The following RCAN2 variants were observed in gnomAD, a reference collection of about 807,000 sequenced individuals.
RCAN2 encodes the protein regulator of calcineurin 2, also known as calcipressin-2.
RCAN2 carries 9 observed loss-of-function variants against 23.6 expected under a neutral mutation model. The ratio of observed to expected loss-of-function variants is 0.38; its 90% CI spans 0.23 to 0.67. The LOEUF (loss-of-function observed/expected upper bound fraction) is 0.67. RCAN2 is among the 30% of genes least tolerant of loss of function. RCAN2 has a pLI of 0.51. For missense variants in RCAN2, 273 were observed against 302.3 expected, an observed-to-expected ratio of 0.90 and a Z score of 0.72; for synonymous variants, 109 against 115.7, an observed-to-expected ratio of 0.94 and a Z score of 0.37.
At chr6:46,357,195 G>A (rs1350246161) in intron 2 of RCAN2, among the ~76,000 whole-genome samples, 1 of 152,182 alleles carries the variant, frequency 6.6e-6, no homozygotes, top group Non-Finnish European at 1.5e-5. Flanking sequence ...GTGCAAACCA[G>A]AATGGTTGGC....
chr6:46,317,528 C>A (rs533162158), intron 2 of RCAN2, among the ~76,000 whole-genome samples: 1 of 152,148 alleles, frequency 6.6e-6, no homozygotes, highest in Non-Finnish European at 1.5e-5. Flanking sequence ...GTGGCATGAT[C>A]TCGGCTCACT....
chr6:46,288,184 G>A (rs1036282976), intron 2 of RCAN2, among the ~76,000 whole-genome samples: 1 of 152,178 alleles, frequency 6.6e-6, no homozygotes, highest in African/African-American at 2.4e-5. Flanking sequence ...GGGCCAGAGA[G>A]GACCTGCACA....
intron 2 of RCAN2, among the ~76,000 whole-genome samples, chr6:46,368,716 C>A (rs1899409): frequency 1.3e-5 from 2 of 151,912 alleles, no homozygotes; most frequent in African/African-American, 4.8e-5. Flanking sequence ...AAAAGTGGTG[C>A]ACCTGTAGAG....
chr6:46,355,117 C>T (rs539152387), intron 2 of RCAN2, among the ~76,000 whole-genome samples: 4 of 152,262 alleles, frequency 2.6e-5, no homozygotes, highest in Admixed American at 2.6e-4. Flanking sequence ...ACTGGTAGAA[C>T]TGGCATGGTA....
intron 2 of RCAN2, among the ~76,000 whole-genome samples, chr6:46,253,236 T>G (rs1766794245): frequency 6.6e-6 from 1 of 152,230 alleles, no homozygotes; most frequent in Non-Finnish European, 1.5e-5. Context: ...GAATTCACAT[T>G]GGTGGATACA....
chr6:46,409,260 T>A (rs892287138), intron 2 of RCAN2, among the ~76,000 whole-genome samples: 1 of 152,132 alleles, frequency 6.6e-6, no homozygotes, highest in African/African-American at 2.4e-5. Flanking sequence ...ATGAAAGCAA[T>A]AACTAAAAAT....
At chr6:46,226,605 T>G (rs1765673729) in intron 4 of RCAN2, among the ~76,000 whole-genome samples, 1 of 152,064 alleles carries the variant, frequency 6.6e-6, no homozygotes, top group Non-Finnish European at 1.5e-5. Flanking sequence ...TTGGTGTATA[T>G]GAATGCTTGT....
chr6:46,491,557 C>T (rs1360773036), upstream of RCAN2, among the ~76,000 whole-genome samples: 1 of 152,036 alleles, frequency 6.6e-6, no homozygotes, highest in Non-Finnish European at 1.5e-5. Flanking sequence ...AACCGAAAGC[C>T]CCTGTCTGGC....
intron 2 of RCAN2, among the ~76,000 whole-genome samples, chr6:46,316,202 A>T (rs1381735502): frequency 2.6e-5 from 4 of 152,106 alleles, no homozygotes; most frequent in Admixed American, 2.6e-4. Flanking sequence ...TACAAAGTCC[A>T]CTACTACTGA....
chr6:46,265,345 C>T (rs897144086), intron 2 of RCAN2, among the ~76,000 whole-genome samples: 7 of 152,066 alleles, frequency 4.6e-5, no homozygotes, highest in Non-Finnish European at 7.3e-5. Flanking sequence ...ATATAGGCAT[C>T]GTTCAGTGCC....
At chr6:46,332,968 A>C (rs530196277) in intron 2 of RCAN2, among the ~76,000 whole-genome samples, 3 of 152,158 alleles carry the variant, frequency 2.0e-5, no homozygotes, top group Non-Finnish European at 2.9e-5. Context: ...TCTCCAGCAC[A>C]CGTTGTTTCC....
intron 2 of RCAN2, among the ~76,000 whole-genome samples, chr6:46,403,398 C>A (rs929911832): frequency 6.7e-6 from 1 of 148,438 alleles, no homozygotes; most frequent in African/African-American, 2.4e-5. Context: ...CATGGAGAAA[C>A]CCTGTCTCTG....
chr6:46,456,657 A>G, intron 2 of RCAN2, 95 bp downstream of exon 2: 1 of 960,170 alleles, frequency 1.0e-6, no homozygotes, highest in Non-Finnish European at 1.6e-6. Flanking sequence ...AACATTTCCA[A>G]AAACTTCAAA....
chr6:46,356,306 T>A (rs1054742419), intron 2 of RCAN2, among the ~76,000 whole-genome samples: 2 of 152,158 alleles, frequency 1.3e-5, no homozygotes, highest in Non-Finnish European at 2.9e-5. Flanking sequence ...CTGGGGTCAG[T>A]GATGGGCCTC....
At chr6:46,344,185 G>A (rs79566864) in intron 2 of RCAN2, among the ~76,000 whole-genome samples, 2,316 of 152,228 alleles carry the variant, frequency 0.015, 59 homozygotes, top group African/African-American at 0.049. Context: ...CACATAAAAT[G>A]TGCGGATTTT....
intron 2 of RCAN2, among the ~76,000 whole-genome samples, chr6:46,327,426 GA>G (rs1763828552): frequency 6.6e-6 from 1 of 152,168 alleles, no homozygotes; most frequent in Admixed American, 6.5e-5. Context: ...AAGGCATTTG[GA>G]TGCAAAACTC....
intron 2 of RCAN2, among the ~76,000 whole-genome samples, chr6:46,263,915 C>A (rs898680472): frequency 1.3e-5 from 2 of 152,138 alleles, no homozygotes; most frequent in African/African-American, 4.8e-5. Context: ...TCAGCACTCA[C>A]ACATTTTTTA....
intron 2 of RCAN2, among the ~76,000 whole-genome samples, chr6:46,402,468 C>G (rs1766275937): frequency 1.3e-5 from 2 of 152,106 alleles, no homozygotes; most frequent in African/African-American, 4.8e-5. Context: ...AAACCAGAAC[C>G]CTTTTCCCCA....
intron 4 of RCAN2, among the ~76,000 whole-genome samples, chr6:46,234,330 T>C (rs1034872387): frequency 3.9e-5 from 6 of 152,306 alleles, no homozygotes; most frequent in South Asian, 4.1e-4. Context: ...AGAAATAGCT[T>C]TGGTCTTGTT....
Sources: gnomAD v4.1 joint callset for allele counts (sites outside exome capture counted in the v4.1 genomes callset) on GRCh38, gnomAD v4.1.1 for gene constraint, MANE v1.5 for transcripts, NCBI Gene and HGNC (gene_info 2026-07-23, HGNC 2026-07-21) for gene names.